The following MCM2 variants were observed in gnomAD, a reference collection of about 807,000 sequenced individuals.
MCM2 encodes DNA replication licensing factor MCM2.
MCM2 carries 49 observed loss-of-function variants against 86.4 expected under a neutral mutation model. The ratio of observed to expected loss-of-function variants is 0.57; its 90% CI spans 0.45 to 0.72. MCM2 has a LOEUF of 0.72. MCM2 is among the 30% of genes least tolerant of loss of function. MCM2 has a pLI of 0.00. For missense variants in MCM2, 1,038 were observed against 1,259.9 expected, an observed-to-expected ratio of 0.82 and a Z score of 2.67; for synonymous variants, 475 against 484.6, an observed-to-expected ratio of 0.98 and a Z score of 0.26.
Position 127,608,375 on chromosome 3 carries a change from C to T in MCM2, c.1102-7C>T. ...GTGATTTGAGGCCTTCTGTGTGTCC[C>T]TCGCAGACCATCTATCAGAACTACC... On this transcript the variant is annotated splice_region_variant and splice_polypyrimidine_tract_variant and intron_variant, in intron 6 of 15. Coordinates refer to ENST00000265056, the MANE Select transcript of MCM2 (RefSeq NM_004526.4). The T allele has an allele frequency of 6.2e-7, 1 of 1,614,026 alleles. No individual in the cohort carries two copies. Among genetic ancestry groups the T allele is most frequent in the East Asian group, 2.2e-5 (1 of 44,882 alleles).
chr3:127,608,855 C>T lies in MCM2; in HGVS notation c.1260C>T (p.Asn420=), dbSNP rs1283065626. ...DEIELTGIYH[N]NYDGSLNTAN... ...AGGAGCTGACTGGCATCTATCACAA[C>T]AACTATGATGGCTCCCTCAACACTG... The change falls in exon 8 of 16, where the codon AAC becomes AAT. Residue 420 remains asparagine, a synonymous_variant. Coordinates refer to ENST00000265056, the MANE Select transcript of MCM2 (RefSeq NM_004526.4). 1 of 1,614,162 alleles carries T rather than the reference C, an allele frequency of 6.2e-7. No homozygotes were observed. Among genetic ancestry groups the T allele is most frequent in the South Asian group, 1.1e-5 (1 of 91,082 alleles).
At position 127,620,770 on chromosome 3, in the gene MCM2, A is replaced by G; in HGVS notation, c.2338A>G (p.Ile780Val). The G allele has an allele frequency of 6.2e-7, 1 of 1,614,094 alleles. No homozygotes were observed. The highest frequency in any genetic ancestry group is 8.5e-7 in the Non-Finnish European group (1 of 1,179,922). ...CCGCATGGCGGAGGCCCACGCGCGC[A>G]TCCATCTGCGGGACTATGTGATCGA... Reference protein sequence around the residue: ...MIRMAEAHARIHLRDYVIEDD... With the variant: ...MIRMAEAHARVHLRDYVIEDD... The change falls in exon 14 of 16, where the codon ATC (isoleucine) becomes GTC (valine). Residue 780 changes from isoleucine (I) to valine (V), a missense_variant. Physicochemically the swap from Ile to Val is conservative, Grantham distance 29. Around this residue, in one of 4 missense-constraint regions of MCM2, gnomAD observed 336 missense variants for 425.7 expected, o/e 0.79. Coordinates refer to ENST00000265056, the MANE Select transcript of MCM2 (RefSeq NM_004526.4).
intron 2 of MCM2, among the ~76,000 whole-genome samples, chr3:127,601,661 C>T (rs1477712830): frequency 2.6e-5 from 4 of 152,174 alleles, no homozygotes; most frequent in Non-Finnish European, 5.9e-5. Context: ...CCACCACACC[C>T]GGCCCGTTAC....
chr3:127,615,760 C>T, intron 8 of MCM2, 102 bp from the exon 9 acceptor site: 1 of 817,316 alleles, frequency 1.2e-6, no homozygotes, highest in Middle Eastern at 2.3e-4. Context: ...AAGTGGGTGT[C>T]TTTGAGCTGG....
At chr3:127,616,748 G>C (rs2074435894) in intron 9 of MCM2, 120 bp from the exon 10 acceptor site, 1 of 1,145,712 alleles carries the variant, frequency 8.7e-7, no homozygotes, top group East Asian at 2.5e-5. Context: ...TCCCTTTCTA[G>C]AGGGACTGTG....
At chr3:127,605,248 A>G in intron 4 of MCM2, 92 bp downstream of exon 4, 3 of 1,515,050 alleles carry the variant, frequency 2.0e-6, no homozygotes, top group African/African-American at 1.4e-5. Flanking sequence ...CACGTGAAGC[A>G]CAGGGCATAT....
At chr3:127,604,299 T>C (rs2074328662) in intron 2 of MCM2, 1 of 317,676 alleles carries the variant, frequency 3.1e-6, no homozygotes, top group East Asian at 5.4e-5. Flanking sequence ...AGTGGAACCA[T>C]ATAGGATTTG....
At position 127,604,680 on chromosome 3, in the gene MCM2, G is replaced by A. The variant is rs1201129649; in HGVS notation, c.309G>A (p.Glu103=). Residue 103 remains glutamate (E), a synonymous_variant, in exon 3 of 16, where the codon GAG becomes GAA. Transcript: ENST00000265056. ...TGGCTCTGGATGATGAGGACGTAGA[G>A]GAGCTGACGGCCAGTCAGAGGGAGG... ...EGLALDDEDV[E]ELTASQREAA... The A allele has an allele frequency of 6.2e-7, 1 of 1,612,786 alleles. No homozygotes were observed. Among genetic ancestry groups the A allele is most frequent in the Non-Finnish European group, 8.5e-7 (1 of 1,179,992 alleles).
At chr3:127,603,155 CG>C (rs111722235) in intron 2 of MCM2, among the ~76,000 whole-genome samples, 2 of 151,316 alleles carry the variant, frequency 1.3e-5, no homozygotes, top group African/African-American at 4.9e-5. Flanking sequence ...CGCCCACCAC[CG>C]CGCCCAAGTA....
chr3:127,598,887 T>G lies in MCM2; in HGVS notation c.6+415T>G, dbSNP rs1002309670. 4.0e-5 allele frequency: 14 copies of G among 345,942 alleles called. No individual in the cohort carries two copies. In the Admixed American group the frequency reaches 6.3e-4, roughly 16 times the overall value. 21.4% of individuals were successfully genotyped at this position (345,942 alleles called of 1,614,324 possible). A position where few individuals can be genotyped will look rare whatever the true frequency, so the allele number is the denominator to read the frequency against. ...GTCCCTTTGTCTTGTATACTGTCTGTTCCACATCTGAGTTCCAGACCTCTT... is the reference window on the plus strand; with the variant it reads ...GTCCCTTTGTCTTGTATACTGTCTGGTCCACATCTGAGTTCCAGACCTCTT... On this transcript the variant is annotated intron_variant, in intron 1 of 15. Transcript: ENST00000265056.
intron 8 of MCM2, among the ~76,000 whole-genome samples, chr3:127,609,837 C>CTTTTTTTT (rs10716532): frequency 1.4e-5 from 1 of 69,084 alleles, no homozygotes. Flanking sequence ...AGTCAACTTC[C>CTTTTTTTT]TTTTTTTTTT....
chr3:127,617,393 G>T lies in MCM2; in HGVS notation c.1888G>T (p.Ala630Ser), dbSNP rs138684820. The T allele has an allele frequency of 1.9e-6, 3 of 1,613,470 alleles. No homozygotes were observed. In the South Asian group the frequency reaches 3.3e-5, roughly 18 times the overall value. ...LQARCTVIAA[A>S]NPIGGRYDPS... ...GGCTCGCTGCACGGTCATTGCTGCC[G>T]CCAACCCCATAGGTGCAGCAGGCAC... Residue 630 changes from alanine (A) to serine (S), a missense_variant, in exon 11 of 16, where the codon GCC (alanine) becomes TCC (serine). Ala to Ser is a moderately conservative substitution (Grantham distance 99). Around this residue, in one of 4 missense-constraint regions of MCM2, gnomAD observed 336 missense variants for 425.7 expected, o/e 0.79. Coordinates refer to ENST00000265056, the MANE Select transcript of MCM2 (RefSeq NM_004526.4). The surrounding 1 kb of genome is among the most constrained non-coding windows in gnomAD (Gnocchi z 4.1).
chr3:127,621,121 C>T lies in MCM2; in HGVS notation c.2497C>T (p.Leu833Phe). 1 of 1,614,258 alleles carries T rather than the reference C, an allele frequency of 6.2e-7. No homozygotes were observed. Among genetic ancestry groups the T allele is most frequent in the Non-Finnish European group, 8.5e-7 (1 of 1,180,052 alleles). Reference protein sequence around the residue: ...SFRRDNNELLLFILKQLVAEQ... With the variant: ...SFRRDNNELLFFILKQLVAEQ... Reference sequence around the variant, plus strand: ...CCGGCGTGACAACAATGAGCTGTTGCTCTTCATACTGAAGCAGTTAGTGGC... The same window carrying T: ...CCGGCGTGACAACAATGAGCTGTTGTTCTTCATACTGAAGCAGTTAGTGGC... Residue 833 changes from leucine to phenylalanine, a missense_variant, in exon 15 of 16, where the codon CTC (leucine) becomes TTC (phenylalanine). Transcript: ENST00000265056.
At chr3:127,598,582 C>T (rs2074276145) in intron 1 of MCM2, 110 bp downstream of exon 1, 1 of 1,410,376 alleles carries the variant, frequency 7.1e-7, no homozygotes, top group Non-Finnish European at 9.5e-7. Context: ...GAGGCTGGGC[C>T]CCAGGCTCTG....
intron 9 of MCM2, 70 bp downstream of exon 9, chr3:127,616,025 G>A: frequency 8.0e-7 from 1 of 1,255,686 alleles, no homozygotes; most frequent in Non-Finnish European, 1.2e-6. Context: ...TTCAAAGAAG[G>A]ACACAGTGTT....
intron 15 of MCM2, 55 bp from the exon 16 acceptor site, chr3:127,621,607 TG>T: frequency 8.4e-7 from 1 of 1,190,558 alleles, no homozygotes. Context: ...TGGGGCGCTC[TG>T]GAAACAGCCT....
intron 8 of MCM2, among the ~76,000 whole-genome samples, chr3:127,611,485 A>T (rs1369535402): frequency 6.6e-6 from 1 of 152,120 alleles, no homozygotes; most frequent in African/African-American, 2.4e-5. Context: ...TGCCCGGGCC[A>T]TCCCCATGTG....
Position 127,606,036 on chromosome 3 carries a change from C to A in MCM2, c.674-82C>A. Reference sequence around the variant, plus strand: ...AAATCAATGGTCGGGGTGGGTAGGCCTTGCTTCTCACACAGGCATTGTTGC... The same window carrying A: ...AAATCAATGGTCGGGGTGGGTAGGCATTGCTTCTCACACAGGCATTGTTGC... On this transcript the variant is annotated intron_variant, in intron 4 of 15. Coordinates refer to ENST00000265056, the MANE Select transcript of MCM2 (RefSeq NM_004526.4). This position sits in a 1 kb window ranked among gnomAD's most constrained non-coding sequence, Gnocchi z 4.2. 1 of 1,112,192 alleles carries A rather than the reference C, an allele frequency of 9.0e-7. No homozygotes were observed. The highest frequency in any genetic ancestry group is 1.3e-5 in the South Asian group (1 of 74,900). 68.9% of individuals were successfully genotyped at this position (1,112,192 alleles called of 1,614,324 possible).
rs754608393 is a variant in MCM2 at position 127,617,152 on chromosome 3, CAG to C, written c.1773+35_1773+36del. ...CTGGGTCACGGAGGCTGGTGGAACT[CAG>C]GGGGTGTGTGTGGGCTTGGGCCTTA... is the stretch of plus-strand genomic sequence containing the variant. On this transcript the variant is annotated intron_variant, in intron 10 of 15. Coordinates refer to ENST00000265056, the MANE Select transcript of MCM2 (RefSeq NM_004526.4). This position sits in a 1 kb window ranked among gnomAD's most constrained non-coding sequence, Gnocchi z 4.1. 2.5e-5 allele frequency: 40 copies of C among 1,608,244 alleles called. No homozygotes were observed. The highest frequency in any genetic ancestry group is 8.4e-5 in the Admixed American group (5 of 59,774).
Sources: gnomAD v4.1 joint callset for allele counts (sites outside exome capture counted in the v4.1 genomes callset) on GRCh38, gnomAD v4.1.1 for gene constraint, gnomAD v4.1.1 regional missense constraint, Gnocchi (gnomAD v3.1) non-coding constraint, MANE v1.5 for transcripts, NCBI Gene and HGNC (gene_info 2026-07-23, HGNC 2026-07-21) for gene names.